ROBO1: variants seen among roughly 807,000 people sequenced by gnomAD.
The protein encoded by ROBO1 is roundabout guidance receptor 1.
Under a neutral mutation model 195.9 loss-of-function variants are expected in ROBO1, and 149 were observed. The ratio of observed to expected loss-of-function variants is 0.76; its 90% CI spans 0.67 to 0.87. ROBO1 has a LOEUF of 0.87. Among genes scored for constraint, ROBO1 ranks in the 40% least tolerant of loss-of-function variants. The pLI is 0.00. For synonymous variants in ROBO1, 816 were observed against 733.2 expected (o/e 1.11, Z -1.82); for missense variants, 1,933 against 2,068.3 (o/e 0.93, Z 1.27).
At chr3:79,325,423 G>A (rs1295682640) in intron 2 of ROBO1, among the ~76,000 whole-genome samples, 1 of 152,086 alleles carries the variant, frequency 6.6e-6, no homozygotes, top group Non-Finnish European at 1.5e-5. Flanking sequence ...TCCTGAAAAT[G>A]TATCAAATCT....
chr3:79,342,511 C>T (rs2034948052), intron 2 of ROBO1, among the ~76,000 whole-genome samples: 1 of 152,048 alleles, frequency 6.6e-6, no homozygotes, highest in African/African-American at 2.4e-5. Context: ...TACTACATAT[C>T]AAAATTTTTA....
chr3:79,110,896 G>T (rs985306126), intron 3 of ROBO1, among the ~76,000 whole-genome samples: 1 of 152,032 alleles, frequency 6.6e-6, no homozygotes, highest in African/African-American at 2.4e-5. Flanking sequence ...GAGATCACAG[G>T]TGTGAGCTAC....
chr3:79,537,360 T>C (rs148662713), intron 2 of ROBO1, among the ~76,000 whole-genome samples: 240 of 152,212 alleles, frequency 1.6e-3, no homozygotes, highest in African/African-American at 5.4e-3. Context: ...GTGCAGGAAG[T>C]TACCCTGTGG....
chr3:78,741,638 T>G (rs1301211234), intron 5 of ROBO1, among the ~76,000 whole-genome samples: 5 of 152,136 alleles, frequency 3.3e-5, no homozygotes, highest in Non-Finnish European at 5.9e-5. Context: ...TTTTTAAAAA[T>G]CGCTCTTTGT....
At chr3:78,782,827 G>T (rs548001608) in intron 4 of ROBO1, among the ~76,000 whole-genome samples, 35 of 152,188 alleles carry the variant, frequency 2.3e-4, no homozygotes, top group African/African-American at 8.2e-4. Flanking sequence ...TAAATATTGA[G>T]ATGCTCAAGG....
chr3:78,973,515 T>C (rs1356831345), intron 3 of ROBO1, among the ~76,000 whole-genome samples: 2 of 145,684 alleles, frequency 1.4e-5, no homozygotes, highest in African/African-American at 5.0e-5. Context: ...ATATTATATA[T>C]ATAAGAAGCT....
intron 3 of ROBO1, among the ~76,000 whole-genome samples, chr3:79,010,379 G>A (rs2077745421): frequency 6.6e-6 from 1 of 152,020 alleles, no homozygotes; most frequent in African/African-American, 2.4e-5. Context: ...GACAGACAGG[G>A]CTAATAACAA....
intron 2 of ROBO1, among the ~76,000 whole-genome samples, chr3:79,577,866 C>T (rs1439841236): frequency 2.0e-5 from 3 of 151,674 alleles, no homozygotes; most frequent in African/African-American, 7.3e-5. Context: ...GAGCGGAGAG[C>T]GCGCCACCGC....
intron 1 of ROBO1, among the ~76,000 whole-genome samples, chr3:79,746,409 C>A (rs1029045844): frequency 3.9e-5 from 6 of 152,052 alleles, no homozygotes; most frequent in African/African-American, 1.4e-4. Context: ...TTTACTGATA[C>A]AGTGCTTAAA....
At chr3:78,715,454 A>T (rs1576005041) in intron 7 of ROBO1, among the ~76,000 whole-genome samples, 1 of 152,290 alleles carries the variant, frequency 6.6e-6, no homozygotes, top group East Asian at 1.9e-4. Flanking sequence ...GATCTGGACA[A>T]CCACAAAAAT....
Position 78,606,721 on chromosome 3 carries a change from T to C in ROBO1, c.4744+12A>G, listed in dbSNP as rs746803136. 6.2e-6 allele frequency: 10 copies of C among 1,610,872 alleles called. No homozygotes were observed. In the East Asian group the frequency reaches 6.7e-5, roughly 11 times the overall value. The stretch of plus-strand genomic sequence containing the variant: ...CAATCTGTATTTATTTGCTGCTTGA[T>C]TGGATGAGTACCTTGGATGAGATGA... On this transcript the variant is annotated intron_variant, in intron 29 of 30. Transcript: ENST00000464233.
chr3:79,136,757 A>G (rs1576721295), intron 2 of ROBO1, among the ~76,000 whole-genome samples: 1 of 152,150 alleles, frequency 6.6e-6, no homozygotes, highest in Non-Finnish European at 1.5e-5. Context: ...TAATTGTTGA[A>G]TGTACTTTAT....
At chr3:78,791,108 C>A (rs561621554) in intron 4 of ROBO1, among the ~76,000 whole-genome samples, 1 of 152,244 alleles carries the variant, frequency 6.6e-6, no homozygotes, top group East Asian at 1.9e-4. Context: ...TGAGGCCCTG[C>A]CAGTGAGAAC....
intron 1 of ROBO1, among the ~76,000 whole-genome samples, chr3:79,665,471 T>C (rs571448674): frequency 6.6e-6 from 1 of 151,926 alleles, no homozygotes; most frequent in Non-Finnish European, 1.5e-5. Context: ...GAAAAAATAT[T>C]AGAAATTGAA....
At chr3:79,111,654 A>G (rs1370028511) in intron 3 of ROBO1, among the ~76,000 whole-genome samples, 1 of 152,136 alleles carries the variant, frequency 6.6e-6, no homozygotes, top group African/African-American at 2.4e-5. Flanking sequence ...ACTTATATCA[A>G]CAGAAACCTG....
intron 1 of ROBO1, among the ~76,000 whole-genome samples, chr3:79,666,173 G>A (rs1243762806): frequency 6.6e-6 from 1 of 151,852 alleles, no homozygotes; most frequent in East Asian, 2.0e-4. Flanking sequence ...AATGCTCTCT[G>A]AGAATGGCTA....
At chr3:78,725,934 AT>A (rs5850389) in intron 5 of ROBO1, among the ~76,000 whole-genome samples, 143,643 of 147,634 alleles carry the variant, frequency 0.97, 69,879 homozygotes, top group East Asian at 1. Flanking sequence ...TTACACAGGA[AT>A]TTTTTTTTTT....
chr3:79,296,377 T>TA (rs904672891), intron 2 of ROBO1, among the ~76,000 whole-genome samples: 28 of 152,174 alleles, frequency 1.8e-4, no homozygotes, highest in Admixed American at 5.9e-4. Context: ...AATCATCAGA[T>TA]ATACAAACCT....
intron 4 of ROBO1, among the ~76,000 whole-genome samples, chr3:78,756,241 A>G (rs953936264): frequency 6.6e-6 from 1 of 152,204 alleles, no homozygotes; most frequent in Non-Finnish European, 1.5e-5. Context: ...AGTTATTTTG[A>G]TTGGAAAATG....
Sources: gnomAD v4.1 joint callset for allele counts (sites outside exome capture counted in the v4.1 genomes callset) on GRCh38, gnomAD v4.1.1 for gene constraint, MANE v1.5 for transcripts, NCBI Gene and HGNC (gene_info 2026-07-23, HGNC 2026-07-21) for gene names.